Variants in SIDT1 observed in about 807,000 individuals in gnomAD.
SIDT1 encodes the protein SID1 transmembrane family member 1, also known as SID1 transmembrane family, member 1.
SIDT1 carries 101 observed loss-of-function variants against 107.5 expected under a neutral mutation model. The observed-to-expected ratio is 0.94, with a 90% CI of 0.80 to 1.11. SIDT1 has a LOEUF of 1.11. Ranked by LOEUF, SIDT1 falls within the 50% of genes least tolerant of loss-of-function variation. The pLI, the probability that SIDT1 is intolerant of heterozygous loss-of-function variation, is 0.00. For synonymous variants in SIDT1, 395 were observed against 398.2 expected, an observed-to-expected ratio of 0.99 and a Z score of 0.10; for missense variants, 1,076 against 1,058.2, an observed-to-expected ratio of 1.02 and a Z score of -0.23.
At chr3:113,596,785 C>T (rs1283132029) in intron 10 of SIDT1, among the ~76,000 whole-genome samples, 1 of 152,304 alleles carries the variant, frequency 6.6e-6, no homozygotes, top group East Asian at 1.9e-4. Context: ...CTCTGGGACC[C>T]CTTGAGTTGC....
intron 3 of SIDT1, among the ~76,000 whole-genome samples, chr3:113,569,895 T>A (rs1942282101): frequency 6.6e-6 from 1 of 152,066 alleles, no homozygotes; most frequent in Admixed American, 6.6e-5. Flanking sequence ...CTAAATATGG[T>A]GCTTCAGTTT....
At chr3:113,593,191 T>C (rs928517146) in intron 10 of SIDT1, 143 bp downstream of exon 10, 13 of 773,066 alleles carry the variant, frequency 1.7e-5, no homozygotes, top group Non-Finnish European at 3.0e-5. Context: ...TAGCCTGCAG[T>C]TGGAAAGCAA....
At chr3:113,622,398 A>T (rs181974495) in intron 21 of SIDT1, among the ~76,000 whole-genome samples, 1 of 127,114 alleles carries the variant, frequency 7.9e-6, no homozygotes. Flanking sequence ...GGAGGGGTGG[A>T]GGTTGCAGTG....
intron 1 of SIDT1, among the ~76,000 whole-genome samples, chr3:113,546,209 GA>G (rs1252894732): frequency 1.3e-5 from 2 of 152,072 alleles, no homozygotes; most frequent in African/African-American, 4.8e-5. Flanking sequence ...AACCTTTATT[GA>G]AGCATTAAGA....
At chr3:113,597,495 C>CA (rs60934363) in intron 10 of SIDT1, among the ~76,000 whole-genome samples, 9,491 of 108,934 alleles carry the variant, frequency 0.087, 550 homozygotes, top group East Asian at 0.18. Flanking sequence ...GACTCCATCT[C>CA]AAAAAAAAAA....
chr3:113,583,571 C>A, intron 7 of SIDT1, 75 bp downstream of exon 7: 1 of 1,094,200 alleles, frequency 9.1e-7, no homozygotes, highest in East Asian at 2.4e-5. Context: ...CTGAAACCTC[C>A]TTTCTAGTTC....
chr3:113,585,273 A>G lies in SIDT1; in HGVS notation c.1001+3A>G, dbSNP rs1943661045. On this transcript the variant is annotated splice_donor_region_variant and intron_variant, in intron 9 of 24. Coordinates refer to ENST00000264852, the MANE Select transcript of SIDT1 (RefSeq NM_017699.3). ...GTTGGGTTTGTTCATTATCTGAGGT[A>G]GGTCAATCTTTTCTAGAAATGTTAA... is the stretch of plus-strand genomic sequence containing the variant. The G allele has an allele frequency of 1.9e-6, 3 of 1,599,714 alleles. No homozygotes were observed. Among genetic ancestry groups the G allele is most frequent in the Admixed American group, 3.3e-5 (2 of 59,958 alleles).
intron 5 of SIDT1, 134 bp downstream of exon 5, chr3:113,580,843 G>T: frequency 1.6e-6 from 1 of 633,750 alleles, no homozygotes; most frequent in Admixed American, 2.5e-5. Flanking sequence ...AATACGAACA[G>T]TATCTGTGAG....
At chr3:113,549,861 T>C (rs1188096898) in intron 1 of SIDT1, among the ~76,000 whole-genome samples, 1 of 152,182 alleles carries the variant, frequency 6.6e-6, no homozygotes, top group Non-Finnish European at 1.5e-5. Context: ...TTTTGGAAGT[T>C]TTGTAGTTTT....
In SIDT1 at chr3:113,626,148, T is replaced by G; in HGVS notation, c.2354T>G (p.Leu785Arg). 6.2e-7 allele frequency: 1 copy of G among 1,614,206 alleles called. No individual in the cohort carries two copies. Among genetic ancestry groups the G allele is most frequent in the Non-Finnish European group, 8.5e-7 (1 of 1,180,028 alleles). Residue 785 changes from leucine (L) to arginine (R), a missense_variant, in exon 24 of 25, where the codon CTG becomes CGG. Physicochemically the swap from Leu to Arg is moderately radical, Grantham distance 102. Transcript: ENST00000264852. ...SREKNRECIL[L>R]DFFDDHDIWH... Reference sequence around the variant, plus strand: ...GAGAAGAACCGCGAGTGCATTCTGCTGGATTTCTTCGATGACCATGACATC... The same window carrying G: ...GAGAAGAACCGCGAGTGCATTCTGCGGGATTTCTTCGATGACCATGACATC...
chr3:113,581,637 C>G, intron 6 of SIDT1, 193 bp downstream of exon 6: 1 of 534,102 alleles, frequency 1.9e-6, no homozygotes, highest in South Asian at 2.2e-5. Context: ...CTTTGGGAGG[C>G]CAAGGCGAGC....
intron 17 of SIDT1, among the ~76,000 whole-genome samples, chr3:113,609,927 A>G (rs1945619326): frequency 6.6e-6 from 1 of 152,226 alleles, no homozygotes; most frequent in African/African-American, 2.4e-5. Context: ...TAAAGGCAAT[A>G]ACCATGATTA....
Position 113,608,157 on chromosome 3 carries a change from A to G in SIDT1, c.1542A>G (p.Ile514Met), listed in dbSNP as rs1243362907. 2 of 1,612,140 alleles carry G rather than the reference A, an allele frequency of 1.2e-6. No homozygotes were observed. The highest frequency in any genetic ancestry group is 1.7e-6 in the Non-Finnish European group (2 of 1,179,260). ...TTCTGGGCTTCCTCTTCCTGCTGAT[A>G]GTCTTGCGCCGCGACATCCTCCATC... The part of the protein sequence containing the change: ...HVLLGFLFLL[I>M]VLRRDILHRR... The change falls in exon 16 of 25, where the codon ATA becomes ATG. Residue 514 changes from isoleucine to methionine, a missense_variant. By Grantham distance (10) the Ile-to-Met change is conservative (BLOSUM62 1). Transcript: ENST00000264852.
In SIDT1 at chr3:113,601,471, G is replaced by C. The variant is rs1159543331; in HGVS notation, c.1046-117G>C. On this transcript the variant is annotated intron_variant, in intron 10 of 24. Transcript: ENST00000264852. The stretch of plus-strand genomic sequence containing the variant: ...TAGTTTTGGTGACTCCTGTATTAGT[G>C]TAAAAAGAAAATCAAACCTAAAATA... 8 of 710,606 alleles carry C rather than the reference G, an allele frequency of 1.1e-5. 1 individual carries two copies. The highest frequency in any genetic ancestry group is 1.9e-5 in the Non-Finnish European group (8 of 417,602). 44.0% of individuals were successfully genotyped at this position (710,606 alleles called of 1,614,324 possible). A position where few individuals can be genotyped will look rare whatever the true frequency, so the allele number is the denominator to read the frequency against.
At chr3:113,558,666 T>C (rs1307619769) in intron 1 of SIDT1, among the ~76,000 whole-genome samples, 2 of 152,188 alleles carry the variant, frequency 1.3e-5, no homozygotes, top group East Asian at 1.9e-4. Flanking sequence ...GTCACCTTCA[T>C]AGTACTTGGG....
intron 1 of SIDT1, among the ~76,000 whole-genome samples, chr3:113,540,216 T>C (rs186959915): frequency 6.6e-6 from 1 of 152,100 alleles, no homozygotes; most frequent in Non-Finnish European, 1.5e-5. Flanking sequence ...AATAAAGTGA[T>C]AACTTACTCA....
At chr3:113,618,895 G>A (rs1444156683) in intron 20 of SIDT1, among the ~76,000 whole-genome samples, 1 of 152,144 alleles carries the variant, frequency 6.6e-6, no homozygotes, top group Non-Finnish European at 1.5e-5. Context: ...CAAAATCTCG[G>A]CTCACTGCAA....
At position 113,604,025 on chromosome 3, in the gene SIDT1, T is replaced by G; in HGVS notation, c.1329T>G (p.Ile443Met). Residue 443 changes from isoleucine to methionine, a missense_variant, in exon 13 of 25, where the codon ATT becomes ATG. Transcript: ENST00000264852. ...GAATTGTCAGCAAAAAATATAAAAT[T>G]TATTTTTGGTAAGTAGATGACCAGT... ...DRRIVSKKYKIYFWNIITIAV... is the reference protein window; with the variant it reads ...DRRIVSKKYKMYFWNIITIAV... The G allele has an allele frequency of 6.3e-7, 1 of 1,588,254 alleles. No individual in the cohort carries two copies. Among genetic ancestry groups the G allele is most frequent in the Non-Finnish European group, 8.6e-7 (1 of 1,163,868 alleles).
intron 1 of SIDT1, among the ~76,000 whole-genome samples, chr3:113,561,085 G>T (rs908505752): frequency 1.3e-5 from 2 of 152,160 alleles, no homozygotes; most frequent in Non-Finnish European, 2.9e-5. Flanking sequence ...CTTAGGAATG[G>T]CCTTTCACAA....
Sources: allele counts gnomAD v4.1 joint callset (sites outside exome capture counted in the v4.1 genomes callset), GRCh38; gene constraint gnomAD v4.1.1; transcripts MANE v1.5; gene names NCBI Gene and HGNC (gene_info 2026-07-23, HGNC 2026-07-21).